The following PDE4D variants were observed in gnomAD, a reference collection of about 807,000 sequenced individuals.
PDE4D encodes phosphodiesterase 4D.
In PDE4D, 24 loss-of-function variants were observed where a neutral mutation model predicts 87.4. That is an observed-to-expected ratio of 0.27 (90% CI 0.20 to 0.39). The LOEUF is 0.39. Among genes scored for constraint, PDE4D ranks in the 10% least tolerant of loss-of-function variants. The probability of loss-of-function intolerance (pLI) is 1.00; values close to 1 mark genes in which losing one functional copy is unlikely to be tolerated. For missense variants in PDE4D, 714 were observed against 1,041.0 expected, an observed-to-expected ratio of 0.69 and a Z score of 4.32; for synonymous variants, 384 against 383.2, an observed-to-expected ratio of 1.00 and a Z score of -0.02.
chr5:59,113,334 C>T (rs1415500161), intron 5 of PDE4D, among the ~76,000 whole-genome samples: 1 of 152,072 alleles, frequency 6.6e-6, no homozygotes, highest in Non-Finnish European at 1.5e-5. Context: ...ATTTCTGAAC[C>T]ATAACTCTGA....
chr5:59,819,886 A>G (rs1391526802), intron 1 of PDE4D, among the ~76,000 whole-genome samples: 4 of 152,202 alleles, frequency 2.6e-5, no homozygotes, highest in Non-Finnish European at 5.9e-5. Flanking sequence ...AATTTGAGGC[A>G]ATTTCCCTAG....
intron 1 of PDE4D, among the ~76,000 whole-genome samples, chr5:60,509,936 G>A (rs1318086186): frequency 2.6e-5 from 4 of 152,192 alleles, no homozygotes; most frequent in Non-Finnish European, 5.9e-5. Flanking sequence ...CAGGGCTGGT[G>A]CCAGTGGGAC....
chr5:59,911,561 C>T (rs1370685321), intron 3 of PDE4D, among the ~76,000 whole-genome samples: 1 of 152,140 alleles, frequency 6.6e-6, no homozygotes, highest in Admixed American at 6.6e-5. Flanking sequence ...GCAGGCTCTG[C>T]GTGAATTAAA....
chr5:60,170,771 ACT>A (rs1187776106), intron 2 of PDE4D, among the ~76,000 whole-genome samples: 1 of 152,010 alleles, frequency 6.6e-6, no homozygotes, highest in African/African-American at 2.4e-5. Context: ...ATTACAATAA[ACT>A]CTTCAGACAA....
intron 5 of PDE4D, among the ~76,000 whole-genome samples, chr5:59,053,535 A>T (rs1243346309): frequency 1.3e-5 from 2 of 151,746 alleles, no homozygotes; most frequent in Non-Finnish European, 2.9e-5. Context: ...TAAAATTATT[A>T]TATGTGTGTC....
intron 1 of PDE4D, among the ~76,000 whole-genome samples, chr5:60,197,551 C>T (rs1349908849): frequency 6.6e-6 from 1 of 151,512 alleles, no homozygotes; most frequent in Non-Finnish European, 1.5e-5. Context: ...ATTGGTAGAG[C>T]ATCATGCAGA....
chr5:59,282,142 A>C (rs1320193922), intron 1 of PDE4D, among the ~76,000 whole-genome samples: 1 of 152,144 alleles, frequency 6.6e-6, no homozygotes, highest in African/African-American at 2.4e-5. Context: ...TTTAGTTCTT[A>C]TTTCAAATTT....
chr5:59,189,703 C>T (rs529479402), intron 3 of PDE4D, among the ~76,000 whole-genome samples: 170 of 152,274 alleles, frequency 1.1e-3, no homozygotes, highest in African/African-American at 3.9e-3. Flanking sequence ...CAGTGGGATT[C>T]CTCTCTAGCC....
At chr5:59,538,315 A>AT (rs1815642760) in intron 1 of PDE4D, among the ~76,000 whole-genome samples, 3 of 152,124 alleles carry the variant, frequency 2.0e-5, no homozygotes, top group Non-Finnish European at 4.4e-5. Context: ...AAGGGATTGC[A>AT]TTTTCCACAG....
chr5:59,272,370 A>G (rs1329589444), intron 1 of PDE4D, among the ~76,000 whole-genome samples: 2 of 152,228 alleles, frequency 1.3e-5, no homozygotes, highest in East Asian at 3.9e-4. Flanking sequence ...ATATCAAGGA[A>G]TATGTAAGGT....
intron 5 of PDE4D, among the ~76,000 whole-genome samples, chr5:59,056,051 C>T (rs1762296791): frequency 6.6e-6 from 1 of 152,180 alleles, no homozygotes; most frequent in South Asian, 2.1e-4. Flanking sequence ...CAGAAAAGTT[C>T]AGAGGTTCCA....
At chr5:59,197,640 G>A (rs1745760622) in intron 2 of PDE4D, among the ~76,000 whole-genome samples, 1 of 152,118 alleles carries the variant, frequency 6.6e-6, no homozygotes, top group South Asian at 2.1e-4. Context: ...ATTTTTATTT[G>A]TGGTTAGAAG....
At chr5:60,408,132 G>A (rs1741729335) in intron 1 of PDE4D, among the ~76,000 whole-genome samples, 1 of 152,080 alleles carries the variant, frequency 6.6e-6, no homozygotes, top group Non-Finnish European at 1.5e-5. Context: ...ACCCCATCCT[G>A]GCATCCGGTC....
At chr5:59,136,864 G>T (rs1207694708) in intron 5 of PDE4D, among the ~76,000 whole-genome samples, 1 of 152,188 alleles carries the variant, frequency 6.6e-6, no homozygotes, top group Non-Finnish European at 1.5e-5. Flanking sequence ...GAAGATCACT[G>T]CAATTTTCAA....
At chr5:59,035,490 A>G (rs547172744) in intron 6 of PDE4D, among the ~76,000 whole-genome samples, 30 of 152,366 alleles carry the variant, frequency 2.0e-4, no homozygotes, top group African/African-American at 7.2e-4. Flanking sequence ...TGGTAAAAAG[A>G]CATTTTAGCC....
At chr5:59,256,251 T>C (rs1760939283) in intron 1 of PDE4D, among the ~76,000 whole-genome samples, 1 of 152,070 alleles carries the variant, frequency 6.6e-6, no homozygotes, top group Non-Finnish European at 1.5e-5. Flanking sequence ...TTCTCTGTAG[T>C]TAGAGCATTA....
intron 1 of PDE4D, among the ~76,000 whole-genome samples, chr5:60,428,850 G>A (rs376815830): frequency 2.7e-4 from 41 of 152,262 alleles, no homozygotes; most frequent in African/African-American, 9.9e-4. Context: ...TAAGTGAATG[G>A]CAAAGGATAT....
chr5:59,707,924 T>C (rs555008148), intron 1 of PDE4D, among the ~76,000 whole-genome samples: 1 of 152,292 alleles, frequency 6.6e-6, no homozygotes, highest in Non-Finnish European at 1.5e-5. Flanking sequence ...AACATACCTG[T>C]GTATGTATCT....
At chr5:59,768,000 A>G (rs893128819) in intron 1 of PDE4D, among the ~76,000 whole-genome samples, 2 of 152,188 alleles carry the variant, frequency 1.3e-5, no homozygotes, top group Non-Finnish European at 2.9e-5. Flanking sequence ...ATTTTCTTGT[A>G]GGAACTTGCA....
Sources: gnomAD v4.1 joint callset for allele counts (sites outside exome capture counted in the v4.1 genomes callset) on GRCh38, gnomAD v4.1.1 for gene constraint, MANE v1.5 for transcripts, NCBI Gene and HGNC (gene_info 2026-07-23, HGNC 2026-07-21) for gene names.